TRPC6: variants seen among roughly 807,000 people sequenced by gnomAD.
TRPC6 encodes transient receptor potential cation channel subfamily C member 6.
A neutral mutation model predicts 90.7 loss-of-function variants in TRPC6; 55 were observed. That is an observed-to-expected ratio of 0.61 (90% CI 0.49 to 0.76). The LOEUF is 0.76. Ranked by LOEUF, TRPC6 falls within the 30% of genes least tolerant of loss-of-function variation. The pLI is 0.00. For synonymous variants in TRPC6, 393 were observed against 393.0 expected, an observed-to-expected ratio of 1.00 and a Z score of 0.00; for missense variants, 989 against 1,122.7, an observed-to-expected ratio of 0.88 and a Z score of 1.70.
intron 1 of TRPC6, among the ~76,000 whole-genome samples, chr11:101,526,979 C>G (rs1435653104): frequency 6.9e-6 from 1 of 144,016 alleles, no homozygotes; most frequent in Non-Finnish European, 1.5e-5. Context: ...GTGAGCAATA[C>G]TATTCACTGT....
At chr11:101,562,117 T>A (rs12364903) in intron 1 of TRPC6, among the ~76,000 whole-genome samples, 11,170 of 152,012 alleles carry the variant, frequency 0.073, 563 homozygotes, top group Non-Finnish European at 0.11. Context: ...CTACCTTTGA[T>A]TGGGGATGGT....
intron 7 of TRPC6, among the ~76,000 whole-genome samples, chr11:101,472,857 C>A (rs1305671466): frequency 6.6e-6 from 1 of 152,056 alleles, no homozygotes; most frequent in African/African-American, 2.4e-5. Context: ...ACTTCCCTGG[C>A]AAACTGTATT....
At chr11:101,519,443 A>G (rs956354796) in intron 1 of TRPC6, among the ~76,000 whole-genome samples, 5 of 152,128 alleles carry the variant, frequency 3.3e-5, no homozygotes, top group African/African-American at 9.7e-5. Flanking sequence ...AACTAAGTGG[A>G]ATATTTACCT....
Position 101,581,817 on chromosome 11 carries a change from T to C in TRPC6, c.170+1517A>G, listed in dbSNP as rs529673594. ...GTCATCATCTGAGGGATGTCAGAAATGGAGAATCTTGGGCTGTACCTAAGA... is the reference window on the plus strand; with the variant it reads ...GTCATCATCTGAGGGATGTCAGAAACGGAGAATCTTGGGCTGTACCTAAGA... On this transcript the variant is annotated intron_variant, in intron 1 of 12. Coordinates refer to ENST00000344327, the MANE Select transcript of TRPC6 (RefSeq NM_004621.6). Among the ~76,000 whole-genome samples the C allele has an allele frequency of 1.5e-4, 23 of 152,342 alleles. 1 individual carries two copies. In the Middle Eastern group the frequency reaches 0.01, roughly 68 times the overall value.
chr11:101,501,039 AAC>A lies in TRPC6; in HGVS notation c.945+2983_945+2984del, dbSNP rs942468733. Among the ~76,000 whole-genome samples, 97 of 152,244 alleles carry A rather than the reference AAC, an allele frequency of 6.4e-4. 1 individual carries two copies. Among genetic ancestry groups the A allele is most frequent in the Admixed American group, 3.3e-3 (50 of 15,282 alleles). ...GTATCAATTTTAAACTGTGTGAATG[AAC>A]ACAGTTTTTCAAACATCTTTCAGAT... is the stretch of plus-strand genomic sequence containing the variant. On this transcript the variant is annotated intron_variant, in intron 2 of 12. Coordinates refer to ENST00000344327, the MANE Select transcript of TRPC6 (RefSeq NM_004621.6).
chr11:101,565,026 A>T (rs1048255977), intron 1 of TRPC6, among the ~76,000 whole-genome samples: 10 of 152,092 alleles, frequency 6.6e-5, no homozygotes, highest in Middle Eastern at 3.2e-3. Flanking sequence ...ACACAAAAGA[A>T]TTAAATTGGA....
intron 1 of TRPC6, among the ~76,000 whole-genome samples, chr11:101,565,886 G>A (rs12291854): frequency 1.3e-5 from 2 of 152,060 alleles, no homozygotes; most frequent in Non-Finnish European, 2.9e-5. Context: ...GAAACATAAC[G>A]AGATGTGAAA....
At chr11:101,576,269 C>T (rs933573427) in intron 1 of TRPC6, among the ~76,000 whole-genome samples, 3 of 152,102 alleles carry the variant, frequency 2.0e-5, no homozygotes, top group African/African-American at 7.2e-5. Flanking sequence ...TTAGTTGCCC[C>T]AAATATATAT....
chr11:101,488,080 C>G (rs1859718005), intron 4 of TRPC6, among the ~76,000 whole-genome samples: 1 of 152,142 alleles, frequency 6.6e-6, no homozygotes, highest in South Asian at 2.1e-4. Context: ...TTCTACATAG[C>G]ACATTAATAG....
At chr11:101,565,912 AT>A (rs890245054) in intron 1 of TRPC6, among the ~76,000 whole-genome samples, 2 of 152,270 alleles carry the variant, frequency 1.3e-5, no homozygotes, top group African/African-American at 4.8e-5. Context: ...TAATTAAAAC[AT>A]TTTTTAATCC....
chr11:101,464,433 T>G (rs548528748), intron 10 of TRPC6, among the ~76,000 whole-genome samples: 1 of 152,288 alleles, frequency 6.6e-6, no homozygotes, highest in Admixed American at 6.5e-5. Flanking sequence ...CTGAGTCTCT[T>G]TGTAGGCCTC....
At position 101,452,954 on chromosome 11, in the gene TRPC6, A is replaced by G. The variant is rs200521132; in HGVS notation, c.*1T>C. ...TATGAATTTCTAAGGAAGTCTTCGC[A>G]TTATCTATTGGTTTCCTCTTGATTT... On this transcript the variant is annotated 3_prime_UTR_variant, in exon 13 of 13. Transcript: ENST00000344327. 4 of 1,613,808 alleles carry G rather than the reference A, an allele frequency of 2.5e-6. No individual in the cohort carries two copies. The highest frequency in any genetic ancestry group is 1.1e-5 in the South Asian group (1 of 91,072).
chr11:101,545,918 A>C (rs1478395965), intron 1 of TRPC6, among the ~76,000 whole-genome samples: 2 of 151,854 alleles, frequency 1.3e-5, no homozygotes, highest in African/African-American at 4.8e-5. Flanking sequence ...TGGGCCCTTC[A>C]TTTATTTGCT....
At chr11:101,509,548 C>G (rs543427342) in intron 1 of TRPC6, among the ~76,000 whole-genome samples, 1 of 152,164 alleles carries the variant, frequency 6.6e-6, no homozygotes, top group African/African-American at 2.4e-5. Flanking sequence ...ATCTTTTATT[C>G]TAAGATTTTA....
intron 12 of TRPC6, 47 bp downstream of exon 12, chr11:101,453,603 G>C: frequency 6.4e-7 from 1 of 1,566,966 alleles, no homozygotes; most frequent in East Asian, 2.2e-5. Context: ...CTAGGCCCCC[G>C]TCCTGACTCA....
intron 1 of TRPC6, among the ~76,000 whole-genome samples, chr11:101,510,522 C>CATTT (rs2136756442): frequency 6.6e-6 from 1 of 152,220 alleles, no homozygotes; most frequent in Admixed American, 6.5e-5. Flanking sequence ...CATTTAGCCA[C>CATTT]ATTTAGCATG....
intron 4 of TRPC6, among the ~76,000 whole-genome samples, chr11:101,487,433 T>A (rs1759037699): frequency 6.6e-6 from 1 of 152,148 alleles, no homozygotes; most frequent in African/African-American, 2.4e-5. Flanking sequence ...ACCAGTATAC[T>A]GCATAGTGGT....
At chr11:101,525,824 A>C (rs1481901217) in intron 1 of TRPC6, among the ~76,000 whole-genome samples, 2 of 152,206 alleles carry the variant, frequency 1.3e-5, no homozygotes, top group Non-Finnish European at 2.9e-5. Flanking sequence ...AGTTGAGAGG[A>C]TCAGGGTCAG....
chr11:101,484,370 T>C (rs1205858703), intron 4 of TRPC6, among the ~76,000 whole-genome samples: 1 of 152,178 alleles, frequency 6.6e-6, no homozygotes, highest in Non-Finnish European at 1.5e-5. Context: ...TGGGCCTACA[T>C]ATGTAAATTA....
Sources: gnomAD v4.1 joint callset for allele counts (sites outside exome capture counted in the v4.1 genomes callset) on GRCh38, gnomAD v4.1.1 for gene constraint, MANE v1.5 for transcripts, NCBI Gene and HGNC (gene_info 2026-07-23, HGNC 2026-07-21) for gene names.